MTMR6: variants seen among roughly 807,000 people sequenced by gnomAD.
The protein encoded by MTMR6 is myotubularin related protein 6, also known as phosphatidylinositol-3,5-bisphosphate 3-phosphatase MTMR6.
Under a neutral mutation model 80.1 loss-of-function variants are expected in MTMR6, and 47 were observed. The ratio of observed to expected loss-of-function variants is 0.59; its 90% CI spans 0.46 to 0.75. MTMR6 has a LOEUF of 0.75. Ranked by LOEUF, MTMR6 falls within the 30% of genes least tolerant of loss-of-function variation. The probability of loss-of-function intolerance (pLI) is 0.00; values close to 1 mark genes in which losing one functional copy is unlikely to be tolerated. For synonymous variants in MTMR6, 254 were observed against 253.0 expected (o/e 1.00, Z -0.04); for missense variants, 629 against 730.9 (o/e 0.86, Z 1.61).
Position 25,248,768 on chromosome 13 carries a change from A to G in MTMR6, c.*464T>C, listed in dbSNP as rs984746873. ...TAAGGCTTTCTTAGAAATATTTTTCATGGCACTTTAACATTAAATATCACT... is the reference window on the plus strand; with the variant it reads ...TAAGGCTTTCTTAGAAATATTTTTCGTGGCACTTTAACATTAAATATCACT... On this transcript the variant is annotated 3_prime_UTR_variant, in exon 14 of 14. Transcript: ENST00000381801. 4 of 153,036 alleles carry G rather than the reference A, an allele frequency of 2.6e-5. No individual in the cohort carries two copies. Among genetic ancestry groups the G allele is most frequent in the African/African-American group, 4.8e-5 (2 of 41,478 alleles). The allele number at this position is 153,036 out of a possible 1,614,324, so 9.5% of individuals were successfully genotyped here.
chr13:25,261,798 G>A lies in MTMR6; in HGVS notation c.596C>T (p.Ala199Val), dbSNP rs745911676. 1.2e-6 allele frequency: 2 copies of A among 1,608,862 alleles called. No individual in the cohort carries two copies. Among genetic ancestry groups the A allele is most frequent in the African/African-American group, 1.3e-5 (1 of 74,668 alleles). The change falls in exon 6 of 14, where the codon GCC becomes GTC. Residue 199 changes from alanine to valine, a missense_variant. Transcript: ENST00000381801. Reference sequence around the variant, plus strand: ...GAGTGGCTGACTACATCGACAAATGGCAGCCTATTTTTTAAAGGACAGAAA... The same window carrying A: ...GAGTGGCTGACTACATCGACAAATGACAGCCTATTTTTTAAAGGACAGAAA... ...LSYYHQDKEAAICRCSQPLSG... is the reference protein window; with the variant it reads ...LSYYHQDKEAVICRCSQPLSG...
rs1957441907 is a variant in MTMR6 at position 25,265,813 on chromosome 13, T to G, written c.591+6A>C. 1 of 1,608,640 alleles carries G rather than the reference T, an allele frequency of 6.2e-7. No homozygotes were observed. The highest frequency in any genetic ancestry group is 8.5e-7 in the Non-Finnish European group (1 of 1,175,884). ...TATTTCTAAAATCAAAAGAAAAGCA[T>G]CCTACCTCCTTATCTTGATGATAGT... On this transcript the variant is annotated splice_donor_region_variant and intron_variant, in intron 5 of 13. Coordinates refer to ENST00000381801, the MANE Select transcript of MTMR6 (RefSeq NM_004685.5).
chr13:25,261,478 G>C (rs947368821), intron 6 of MTMR6, among the ~76,000 whole-genome samples, 190 bp downstream of exon 6: 1 of 151,904 alleles, frequency 6.6e-6, no homozygotes, highest in Non-Finnish European at 1.5e-5. Context: ...ATCACCATGA[G>C]TTACTCAGAA....
At chr13:25,260,177 T>A in intron 6 of MTMR6, among the ~76,000 whole-genome samples, 1 of 151,780 alleles carries the variant, frequency 6.6e-6, no homozygotes, top group Non-Finnish European at 1.5e-5. Context: ...AATTCTTTTT[T>A]TTTTTTTTGA....
intron 1 of MTMR6, among the ~76,000 whole-genome samples, chr13:25,285,401 C>T (rs555297198): frequency 7.5e-6 from 1 of 134,100 alleles, no homozygotes; most frequent in Non-Finnish European, 1.6e-5. Context: ...CCCCCCCCCC[C>T]CAATTATGTC....
At chr13:25,273,831 C>T (rs1332600040) in intron 2 of MTMR6, among the ~76,000 whole-genome samples, 4 of 152,044 alleles carry the variant, frequency 2.6e-5, no homozygotes, top group South Asian at 2.1e-4. Context: ...GGCCTAGGAA[C>T]AACAGGTATT....
chr13:25,251,587 T>C lies in MTMR6; in HGVS notation c.1605+62A>G. On this transcript the variant is annotated intron_variant, in intron 13 of 13. Coordinates refer to ENST00000381801, the MANE Select transcript of MTMR6 (RefSeq NM_004685.5). This position sits in a 1 kb window ranked among gnomAD's most constrained non-coding sequence, Gnocchi z 4.1. ...TGCTGATTTACACCAACAATACAAATATTAGTCTAATCGTAAACTAATTTC... is the reference window on the plus strand; with the variant it reads ...TGCTGATTTACACCAACAATACAAACATTAGTCTAATCGTAAACTAATTTC... 3.0e-6 allele frequency: 4 copies of C among 1,338,346 alleles called. No individual in the cohort carries two copies. The highest frequency in any genetic ancestry group is 4.8e-5 in the East Asian group (2 of 42,080). 82.9% of individuals were successfully genotyped at this position (1,338,346 alleles called of 1,614,324 possible). A position where few individuals can be genotyped will look rare whatever the true frequency, so the allele number is the denominator to read the frequency against.
Position 25,274,190 on chromosome 13 carries a change from A to G in MTMR6, c.25-3T>C, listed in dbSNP as rs1278363866. 2 of 1,541,626 alleles carry G rather than the reference A, an allele frequency of 1.3e-6. No individual in the cohort carries two copies. The highest frequency in any genetic ancestry group is 1.7e-4 in the Middle Eastern group (1 of 5,876). ...TCAAGTAATTTTACTTGTTCGACCT[A>G]AAAGAAAAAAAGATATTATTTCTCA... On this transcript the variant is annotated splice_polypyrimidine_tract_variant and splice_region_variant and intron_variant, in intron 1 of 13. Transcript: ENST00000381801.
intron 6 of MTMR6, chr13:25,260,713 T>C (rs1957315139): frequency 1.7e-6 from 2 of 1,146,878 alleles, no homozygotes; most frequent in Middle Eastern, 2.3e-4. Context: ...AAAGTAACGT[T>C]AGCTATTACC....
chr13:25,267,327 C>T (rs1957481064), intron 3 of MTMR6, among the ~76,000 whole-genome samples: 1 of 151,894 alleles, frequency 6.6e-6, no homozygotes, highest in South Asian at 2.1e-4. Context: ...AATTCACCCT[C>T]TCTTGTTTCT....
chr13:25,268,600 C>T (rs1957504634), intron 2 of MTMR6, among the ~76,000 whole-genome samples: 1 of 152,234 alleles, frequency 6.6e-6, no homozygotes, highest in Non-Finnish European at 1.5e-5. Context: ...ACATGCCCCA[C>T]AACCCTTTCC....
Position 25,287,362 on chromosome 13 carries a change from G to C in MTMR6, c.-115C>G, listed in dbSNP as rs1292146623. 7.2e-7 allele frequency: 1 copy of C among 1,385,644 alleles called. No homozygotes were observed. The highest frequency in any genetic ancestry group is 9.9e-7 in the Non-Finnish European group (1 of 1,010,606). The allele number at this position is 1,385,644 out of a possible 1,614,324, so 85.8% of individuals were successfully genotyped here. On this transcript the variant is annotated 5_prime_UTR_variant, in exon 1 of 14. Coordinates refer to ENST00000381801, the MANE Select transcript of MTMR6 (RefSeq NM_004685.5). ...AACTCCCTCCACCAGCCAGCGCCGC[G>C]GGTCTGTCTGCCGGCCCCGGTGGCG...
At chr13:25,276,921 G>C (rs1235305002) in intron 1 of MTMR6, among the ~76,000 whole-genome samples, 1 of 152,150 alleles carries the variant, frequency 6.6e-6, no homozygotes, top group Non-Finnish European at 1.5e-5. Flanking sequence ...ACTGGGACTT[G>C]GTGAGGTTGG....
intron 5 of MTMR6, 88 bp downstream of exon 5, chr13:25,265,731 C>CA (rs371486423): frequency 0.11 from 131,604 of 1,174,096 alleles, 5 homozygotes; most frequent in Non-Finnish European, 0.12. Flanking sequence ...GACCCTATCT[C>CA]AAAAAAAAAA....
At chr13:25,287,101 C>A in intron 1 of MTMR6, 123 bp downstream of exon 1, 1 of 1,413,844 alleles carries the variant, frequency 7.1e-7, no homozygotes, top group Non-Finnish European at 9.6e-7. Flanking sequence ...CCCTCCCGCC[C>A]CGGGCCGGGT....
chr13:25,264,679 C>T (rs958003671), intron 5 of MTMR6, among the ~76,000 whole-genome samples: 6 of 139,010 alleles, frequency 4.3e-5, no homozygotes, highest in South Asian at 2.4e-4. Context: ...CGCTTGAACC[C>T]GGGAGGTGGA....
rs1593144332 is a variant in MTMR6 at position 25,257,395 on chromosome 13, G to A, written c.970-74C>T. 3 of 1,541,562 alleles carry A rather than the reference G, an allele frequency of 1.9e-6. No individual in the cohort carries two copies. In the East Asian group the frequency reaches 6.9e-5, roughly 35 times the overall value. ...TAAATTCTACTTGAAAATCATACTA[G>A]CAGGTATTGTGTTACAAGGAAGTGC... is the stretch of plus-strand genomic sequence containing the variant. On this transcript the variant is annotated intron_variant, in intron 8 of 13. Transcript: ENST00000381801.
At chr13:25,275,904 AGGGGAGAGGAGGG>A in intron 1 of MTMR6, among the ~76,000 whole-genome samples, 1 of 55,674 alleles carries the variant, frequency 1.8e-5, no homozygotes, top group Admixed American at 2.3e-4. Context: ...AGAGGAGGGG[AGGGGAGAGGAGGG>A]GAGGGGAGAG....
At chr13:25,279,417 A>T (rs1448635952) in intron 1 of MTMR6, among the ~76,000 whole-genome samples, 1 of 152,176 alleles carries the variant, frequency 6.6e-6, no homozygotes, top group East Asian at 1.9e-4. Context: ...GTGGAACTTG[A>T]GTCAATTAAA....
Sources: gnomAD v4.1 joint callset for allele counts (sites outside exome capture counted in the v4.1 genomes callset) on GRCh38, gnomAD v4.1.1 for gene constraint, Gnocchi (gnomAD v3.1) non-coding constraint, MANE v1.5 for transcripts, NCBI Gene and HGNC (gene_info 2026-07-23, HGNC 2026-07-21) for gene names.